SHANK2: variants seen among roughly 807,000 people sequenced by gnomAD.
SHANK2 encodes SH3 and multiple ankyrin repeat domains 2, also known as SH3 and multiple ankyrin repeat domains protein 2.
Under a neutral mutation model 133.7 loss-of-function variants are expected in SHANK2, and 43 were observed. The ratio of observed to expected loss-of-function variants is 0.32; its 90% confidence interval spans 0.25 to 0.41. The LOEUF (loss-of-function observed/expected upper bound fraction) is 0.41, where lower values mean the gene tolerates loss of function less well. SHANK2 is among the 10% of genes least tolerant of loss of function. The pLI, the probability that SHANK2 is intolerant of heterozygous loss-of-function variation, is 1.00. For missense variants in SHANK2, 1,994 were observed against 2,235.8 expected, an observed-to-expected ratio of 0.89 and a Z score of 2.18; for synonymous variants, 1,017 against 952.8, an observed-to-expected ratio of 1.07 and a Z score of -1.24.
chr11:70,900,411 C>A (rs1555076533), intron 10 of SHANK2, among the ~76,000 whole-genome samples: 2 of 152,052 alleles, frequency 1.3e-5, no homozygotes, highest in Non-Finnish European at 2.9e-5. Flanking sequence ...TCAAACACTG[C>A]AGACTGCTCT....
At chr11:70,610,099 T>C (rs1591645798) in intron 17 of SHANK2, among the ~76,000 whole-genome samples, 1 of 151,694 alleles carries the variant, frequency 6.6e-6, no homozygotes, top group Non-Finnish European at 1.5e-5. Context: ...TTTGGGGCGG[T>C]TAACTAGGTC....
chr11:70,802,233 ATCTC>A (rs1248600453), intron 13 of SHANK2, among the ~76,000 whole-genome samples: 1 of 152,124 alleles, frequency 6.6e-6, no homozygotes. Context: ...CCAACTGCGG[ATCTC>A]TCTATGGGCC....
intron 6 of SHANK2, among the ~76,000 whole-genome samples, chr11:71,095,851 T>C (rs556911050): frequency 6.6e-6 from 1 of 152,314 alleles, no homozygotes; most frequent in South Asian, 2.1e-4. Flanking sequence ...GTGCTGTGTG[T>C]AGACATGCCA....
chr11:71,100,354 G>A (rs1214139934), intron 6 of SHANK2, among the ~76,000 whole-genome samples: 3 of 152,200 alleles, frequency 2.0e-5, no homozygotes, highest in African/African-American at 7.2e-5. Context: ...GCCAAAAATG[G>A]CAAACAATCC....
rs1591488559 is a variant in SHANK2, at chr11:70,486,589, T to C, written c.3704A>G (p.Lys1235Arg). ...RAMKESQQGPKGEAPKADLNK... is the reference protein window; with the variant it reads ...RAMKESQQGPRGEAPKADLNK... ...GAGGTCGGCCTTGGGGGCCTCCCCT[T>C]TGGGTCCCTGTTGAGACTCCTTCAT... Residue 1235 changes from lysine to arginine, a missense_variant, in exon 25 of 26, where the codon AAA becomes AGA. Coordinates refer to ENST00000601538, the MANE Select transcript of SHANK2 (RefSeq NM_012309.5). The surrounding 1 kb of genome is among the most constrained non-coding windows in gnomAD (Gnocchi z 8.0). 6.2e-7 allele frequency: 1 copy of C among 1,613,932 alleles called. No individual in the cohort carries two copies. The highest frequency in any genetic ancestry group is 8.5e-7 in the Non-Finnish European group (1 of 1,180,006).
chr11:70,718,700 CTTT>C (rs60414874), intron 14 of SHANK2, among the ~76,000 whole-genome samples: 11 of 129,804 alleles, frequency 8.5e-5, no homozygotes, highest in Admixed American at 7.6e-4. Context: ...AGCTCATTCT[CTTT>C]TTTTTTTTTT....
chr11:70,615,786 G>T (rs1286314210), intron 17 of SHANK2, among the ~76,000 whole-genome samples: 1 of 152,162 alleles, frequency 6.6e-6, no homozygotes, highest in African/African-American at 2.4e-5. Flanking sequence ...GGGGTTTGGT[G>T]GTAGAAGGAA....
At chr11:70,741,592 C>T (rs1227612664) in intron 14 of SHANK2, among the ~76,000 whole-genome samples, 1 of 152,206 alleles carries the variant, frequency 6.6e-6, no homozygotes, top group Non-Finnish European at 1.5e-5. Flanking sequence ...TTCCCAGCTG[C>T]CTGGGTACCC....
intron 7 of SHANK2, among the ~76,000 whole-genome samples, chr11:71,093,376 G>A (rs185224887): frequency 1.2e-4 from 19 of 152,268 alleles, no homozygotes; most frequent in Non-Finnish European, 1.3e-4. Context: ...GGAAGCCAAC[G>A]GGTACGGTGT....
intron 15 of SHANK2, among the ~76,000 whole-genome samples, chr11:70,691,054 C>G (rs998239527): frequency 3.3e-5 from 5 of 152,090 alleles, no homozygotes; most frequent in Admixed American, 3.3e-4. Context: ...ACTCTTGGCC[C>G]TATCTCTGTA....
intron 14 of SHANK2, among the ~76,000 whole-genome samples, chr11:70,753,856 G>C (rs2440888): frequency 1.3e-5 from 2 of 151,116 alleles, no homozygotes; most frequent in Non-Finnish European, 2.9e-5. Flanking sequence ...CAGTCACCCA[G>C]GCTGGAGTGC....
At chr11:70,692,496 C>G (rs765469911) in intron 15 of SHANK2, among the ~76,000 whole-genome samples, 2 of 152,204 alleles carry the variant, frequency 1.3e-5, no homozygotes, top group Non-Finnish European at 2.9e-5. Flanking sequence ...AGCTGGAAAG[C>G]CAGAGAGATA....
rs1555094289 is a variant in SHANK2, at chr11:71,092,514, C to T, written c.820G>A (p.Val274Ile). The T allele has an allele frequency of 2.0e-5, 31 of 1,551,532 alleles. No homozygotes were observed. Among genetic ancestry groups the T allele is most frequent in the Middle Eastern group, 1.7e-4 (1 of 6,014 alleles). The change falls in exon 8 of 26, where the codon GTC (valine) becomes ATC (isoleucine). Residue 274 changes from valine to isoleucine, a missense_variant. Physicochemically the swap from Val to Ile is conservative, Grantham distance 29. Transcript: ENST00000601538. ...GLTPLYHTAI[V>I]GGDPYCCELL... Reference sequence around the variant, plus strand: ...TCGCAGCAGTAGGGATCACCTCCGACGATGGCTGTGTGATACAGCGGGGTG... The same window carrying T: ...TCGCAGCAGTAGGGATCACCTCCGATGATGGCTGTGTGATACAGCGGGGTG...
chr11:70,622,249 C>T (rs372851783), intron 17 of SHANK2, among the ~76,000 whole-genome samples: 6 of 152,230 alleles, frequency 3.9e-5, no homozygotes, highest in South Asian at 4.1e-4. Context: ...AAGGCTTCCC[C>T]GTCTCAGCAA....
rs1333206969 is a variant in SHANK2, at chr11:70,753,010, G to A, written c.1777+45433C>T. Among the ~76,000 whole-genome samples the A allele has an allele frequency of 5.3e-5, 8 of 152,054 alleles. No homozygotes were observed. The East Asian group carries it at 1.4e-3, about 26-fold the overall frequency. On this transcript the variant is annotated intron_variant, in intron 14 of 25. Transcript: ENST00000601538. ...TACCTGTAATCCCAGCTACTTGAGA[G>A]GCTGAGGCAGGAGAATCGCTTGAAC...
intron 14 of SHANK2, among the ~76,000 whole-genome samples, chr11:70,751,287 A>C (rs540811392): frequency 6.6e-6 from 1 of 152,354 alleles, no homozygotes; most frequent in East Asian, 1.9e-4. Flanking sequence ...CAGCTAGAGA[A>C]AAATGACATA....
intron 17 of SHANK2, among the ~76,000 whole-genome samples, chr11:70,568,708 G>C (rs1471290180): frequency 7.2e-6 from 1 of 139,058 alleles, no homozygotes. Context: ...ACGAGTAGCA[G>C]GCAGGGGCGC....
At chr11:70,932,004 A>G (rs1555082573) in intron 10 of SHANK2, among the ~76,000 whole-genome samples, 1 of 152,216 alleles carries the variant, frequency 6.6e-6, no homozygotes, top group Non-Finnish European at 1.5e-5. Flanking sequence ...TTTATTACCA[A>G]TTTCCATAAG....
At chr11:71,126,133 G>A (rs143869646) in intron 3 of SHANK2, among the ~76,000 whole-genome samples, 451 of 131,852 alleles carry the variant, frequency 3.4e-3, no homozygotes, top group African/African-American at 0.012. Context: ...CAGGAGAATT[G>A]CTAGAACCCA....
Sources: gnomAD v4.1 joint callset for allele counts (sites outside exome capture counted in the v4.1 genomes callset) on GRCh38, gnomAD v4.1.1 for gene constraint, Gnocchi (gnomAD v3.1) non-coding constraint, MANE v1.5 for transcripts, NCBI Gene and HGNC (gene_info 2026-07-23, HGNC 2026-07-21) for gene names.